The following TRPM5 variants were observed in gnomAD, a reference collection of about 807,000 sequenced individuals.
TRPM5 encodes the protein MLSN1 and TRP-related.
Under a neutral mutation model 124.9 loss-of-function variants are expected in TRPM5, and 121 were observed. That is an observed-to-expected ratio of 0.97 (90% confidence interval 0.84 to 1.13). TRPM5 has a LOEUF of 1.13. TRPM5 is among the 50% of genes most tolerant of loss of function. TRPM5 has a pLI of 0.00. For missense variants in TRPM5, 1,643 were observed against 1,589.1 expected (o/e 1.03, Z -0.58); for synonymous variants, 781 against 700.5 (o/e 1.11, Z -1.81).
At position 2,415,590 on chromosome 11, in the gene TRPM5, C is replaced by T. The variant is rs1033312130; in HGVS notation, c.1129-119G>A. ...GGGATCCATCCCCAGGGCCAGGTCA[C>T]GCAGACCCTCTCGCTCTCCTGCACC... On this transcript the variant is annotated intron_variant, in intron 8 of 23. Transcript: ENST00000155858. 1.5e-3 allele frequency: 1,072 copies of T among 728,464 alleles called. 7 individuals are homozygous for T. The highest frequency in any genetic ancestry group is 2.6e-4 in the Non-Finnish European group (116 of 452,384). The allele number at this position is 728,464 out of a possible 1,614,324, so 45.1% of individuals were successfully genotyped here.
At chr11:2,412,887 A>G (rs371466268) in exon 15 of TRPM5, 42 of 1,597,724 alleles carry the variant, frequency 2.6e-5, no homozygotes, top group Non-Finnish European at 3.4e-5. Context: ...GGCGAAGTAC[A>G]TGACCACGTT....
chr11:2,415,224 G>A (rs376494409), exon 9 of TRPM5: 63 of 1,576,132 alleles, frequency 4.0e-5, no homozygotes, highest in Middle Eastern at 1.7e-4. Context: ...GGAGAAGGCC[G>A]GTGGCCCCGC....
intron 17 of TRPM5, 39 bp from the exon 23 acceptor site, chr11:2,411,565 C>T: frequency 1.2e-6 from 2 of 1,607,792 alleles, no homozygotes; most frequent in Non-Finnish European, 1.7e-6. Context: ...CGTCAGCGGC[C>T]AGCCGGGTGG....
At chr11:2,411,321 C>G in intron 18 of TRPM5, 31 bp downstream of exon 23, 1 of 1,525,432 alleles carries the variant, frequency 6.6e-7, no homozygotes, top group Non-Finnish European at 8.8e-7. Flanking sequence ...CAATTTCTCC[C>G]TGCCCCTGCC....
rs1845786346 is a variant in TRPM5 at position 2,422,432 on chromosome 11, G to A, written c.118-111C>T. The A allele has an allele frequency of 4.0e-6, 3 of 750,226 alleles. No homozygotes were observed. In the South Asian group the frequency reaches 5.3e-5, roughly 13 times the overall value. 46.5% of individuals were successfully genotyped at this position (750,226 alleles called of 1,614,324 possible). A position where few individuals can be genotyped will look rare whatever the true frequency, so the allele number is the denominator to read the frequency against. On this transcript the variant is annotated intron_variant, in intron 1 of 23. Transcript: ENST00000155858. Reference sequence around the variant, plus strand: ...CACTGGGGAGGTGCTGAGCATGGGGGGACACTGGGCACTGGGAGGTGCTGG... The same window carrying A: ...CACTGGGGAGGTGCTGAGCATGGGGAGACACTGGGCACTGGGAGGTGCTGG...
At chr11:2,419,026 A>G (rs893274338) in intron 4 of TRPM5, among the ~76,000 whole-genome samples, 10 of 152,074 alleles carry the variant, frequency 6.6e-5, no homozygotes, top group Admixed American at 2.0e-4. Context: ...TTCTCCCCCA[A>G]ACAGAAGCTG....
chr11:2,433,014 A>G, the TRPM5 span, among the ~76,000 whole-genome samples: 5 of 152,216 alleles, frequency 3.3e-5, no homozygotes, highest in African/African-American at 1.2e-4. Flanking sequence ...TCCGGGAACC[A>G]GTGGAGCCGC....
At chr11:2,433,939 AGTGTGTGAGTGTATAT>A in the TRPM5 span, among the ~76,000 whole-genome samples, 3 of 150,768 alleles carry the variant, frequency 2.0e-5, no homozygotes, top group African/African-American at 7.3e-5. Flanking sequence ...GTGTGGACAC[AGTGTGTGAGTGTATAT>A]GTGTGTGTAG....
chr11:2,411,552 G>A lies in TRPM5; in HGVS notation c.2608-26C>T, dbSNP rs112456368. ...CTCCACGGGGCAGGGGCAGAGAGAG[G>A]GACGTCAGCGGCCAGCCGGGTGGGG... is the stretch of plus-strand genomic sequence containing the variant. On this transcript the variant is annotated intron_variant, in intron 17 of 23. Transcript: ENST00000155858. 5.2e-4 allele frequency: 830 copies of A among 1,607,546 alleles called. 5 individuals carry two copies. The African/African-American group carries it at 9.7e-3, about 19-fold the overall frequency.
At chr11:2,419,289 G>A (rs1210922647) in intron 4 of TRPM5, among the ~76,000 whole-genome samples, 5 of 152,172 alleles carry the variant, frequency 3.3e-5, no homozygotes, top group Non-Finnish European at 7.4e-5. Context: ...AGAGTTTGAC[G>A]AGACTTTGTG....
In TRPM5 at chr11:2,414,704, C is replaced by A. The variant is rs748676465; in HGVS notation, c.1744+11G>T. ...CGCGCGCGGGCCCGGCCCCAGCCGC[C>A]GGTCACTCACCAAGGGCCAGCCGCT... On this transcript the variant is annotated intron_variant, in intron 11 of 23. Transcript: ENST00000155858. The A allele has an allele frequency of 1.3e-6, 2 of 1,529,884 alleles. No individual in the cohort carries two copies. Among genetic ancestry groups the A allele is most frequent in the East Asian group, 4.9e-5 (2 of 40,514 alleles). 94.8% of individuals were successfully genotyped at this position (1,529,884 alleles called of 1,614,324 possible).
At chr11:2,429,371 A>G in the TRPM5 span, among the ~76,000 whole-genome samples, 1 of 150,474 alleles carries the variant, frequency 6.6e-6, no homozygotes, top group East Asian at 2.0e-4. The surrounding 1 kb of genome is among the most constrained non-coding windows in gnomAD (Gnocchi z 8.4). Flanking sequence ...GGTGGTGGTG[A>G]TGATCGTGGT....
chr11:2,418,353 G>A (rs2133528326), exon 6 of TRPM5: 2 of 1,549,674 alleles, frequency 1.3e-6, no homozygotes, highest in Non-Finnish European at 1.7e-6. Flanking sequence ...CGGCCCTGGA[G>A]ATCCTCTGAG....
At chr11:2,444,359 A>T in the TRPM5 span, among the ~76,000 whole-genome samples, 24 of 150,782 alleles carry the variant, frequency 1.6e-4, no homozygotes, top group Non-Finnish European at 2.2e-4. Context: ...GGGAAAGTAG[A>T]TGCCGGCACC....
At chr11:2,410,748 C>A in intron 18 of TRPM5, 1 of 449,612 alleles carries the variant, frequency 2.2e-6, no homozygotes. Flanking sequence ...CTGGGGACAC[C>A]CATAGGCATG....
exon 9 of TRPM5, chr11:2,415,174 C>G: frequency 6.3e-7 from 1 of 1,584,162 alleles, no homozygotes; most frequent in Non-Finnish European, 8.6e-7. Context: ...CGGCAGGCGT[C>G]CTGCAGGAAG....
At chr11:2,432,311 G>C in the TRPM5 span, among the ~76,000 whole-genome samples, 1 of 152,202 alleles carries the variant, frequency 6.6e-6, no homozygotes, top group Non-Finnish European at 1.5e-5. Context: ...CCCCGGGCAG[G>C]CTTTACGTTG....
upstream of TRPM5, chr11:2,423,059 A>T: frequency 1.3e-6 from 2 of 1,589,810 alleles, no homozygotes; most frequent in Non-Finnish European, 1.7e-6. Context: ...AGCTGCAGGG[A>T]TACCCTGGCC....
chr11:2,407,333 G>A (rs1318075848), intron 19 of TRPM5, 33 bp from the exon 25 acceptor site: 1 of 1,584,946 alleles, frequency 6.3e-7, no homozygotes, highest in Non-Finnish European at 8.6e-7. Context: ...TCACCTACCG[G>A]CTCCCCACGA....
Sources: allele counts gnomAD v4.1 joint callset (sites outside exome capture counted in the v4.1 genomes callset), GRCh38; gene constraint gnomAD v4.1.1; non-coding constraint Gnocchi (gnomAD v3.1); transcripts MANE v1.5; gene names NCBI Gene and HGNC (gene_info 2026-07-23, HGNC 2026-07-21).